Variants in MSI2 observed in about 807,000 individuals in gnomAD.
The protein encoded by MSI2 is musashi RNA binding protein 2.
MSI2 carries 17 observed loss-of-function variants against 45.6 expected under a neutral mutation model. The observed-to-expected ratio is 0.37, with a 90% CI of 0.26 to 0.56. The LOEUF is 0.56. Among genes scored for constraint, MSI2 ranks in the 20% least tolerant of loss-of-function variants. The pLI is 0.77. For synonymous variants in MSI2, 156 were observed against 158.2 expected (o/e 0.99, Z 0.11); for missense variants, 293 against 444.2 (o/e 0.66, Z 3.06).
At chr17:57,668,686 A>G (rs1303987960) in intron 11 of MSI2, among the ~76,000 whole-genome samples, 2 of 152,192 alleles carry the variant, frequency 1.3e-5, no homozygotes, top group Admixed American at 6.5e-5. Flanking sequence ...CAAGACTAGC[A>G]TGATGTTGAC....
At chr17:57,466,230 C>A (rs2085327840) in intron 6 of MSI2, among the ~76,000 whole-genome samples, 1 of 152,208 alleles carries the variant, frequency 6.6e-6, no homozygotes, top group African/African-American at 2.4e-5. Flanking sequence ...ACTGGAATTT[C>A]TCCCCACTGG....
At chr17:57,301,310 G>A (rs1012392634) in intron 5 of MSI2, among the ~76,000 whole-genome samples, 11 of 152,186 alleles carry the variant, frequency 7.2e-5, no homozygotes, top group African/African-American at 1.2e-4. Flanking sequence ...TCTTTAGAGC[G>A]GATGCAAGGT....
intron 6 of MSI2, among the ~76,000 whole-genome samples, chr17:57,454,281 A>G (rs720238): frequency 0.15 from 22,815 of 152,034 alleles, 1,823 homozygotes; most frequent in Non-Finnish European, 0.16. Flanking sequence ...TGTCACCACA[A>G]TGGTGCTGGT....
At chr17:57,560,150 T>C (rs1410581588) in intron 7 of MSI2, among the ~76,000 whole-genome samples, 2 of 152,226 alleles carry the variant, frequency 1.3e-5, no homozygotes, top group African/African-American at 2.4e-5. Flanking sequence ...CGTAGTACAG[T>C]AGCAAAGGTA....
chr17:57,340,902 T>G (rs1012827878), intron 5 of MSI2, among the ~76,000 whole-genome samples: 5 of 152,160 alleles, frequency 3.3e-5, no homozygotes, highest in Non-Finnish European at 7.4e-5. Context: ...CCTCCTTGGC[T>G]TGAAGCCCTG....
chr17:57,667,602 G>A (rs1912464437), intron 11 of MSI2, among the ~76,000 whole-genome samples: 1 of 152,200 alleles, frequency 6.6e-6, no homozygotes, highest in African/African-American at 2.4e-5. Flanking sequence ...CTTGCCTCCT[G>A]GAAACCTGCA....
Position 57,300,672 on chromosome 17 carries a change from G to A in MSI2, c.312+38480G>A, listed in dbSNP as rs142843479. The stretch of plus-strand genomic sequence containing the variant: ...CTCGGTAAGTTATAAAGAAAAAGAG[G>A]TTTAATGGACTCACAGTTCCACGTG... On this transcript the variant is annotated intron_variant, in intron 5 of 13. Transcript: ENST00000284073. Among the ~76,000 whole-genome samples, 191 of 152,298 alleles carry A rather than the reference G, an allele frequency of 1.3e-3. 1 individual carries two copies. The East Asian group carries it at 0.02, about 16-fold the overall frequency.
intron 6 of MSI2, among the ~76,000 whole-genome samples, chr17:57,460,121 T>G (rs2085195992): frequency 7.2e-6 from 1 of 139,764 alleles, no homozygotes; most frequent in Non-Finnish European, 1.5e-5. Context: ...AGAACGGAAC[T>G]CTGTCTCAAA....
intron 6 of MSI2, among the ~76,000 whole-genome samples, chr17:57,475,384 G>C (rs189107065): frequency 5.7e-4 from 86 of 152,186 alleles, no homozygotes; most frequent in Non-Finnish European, 7.2e-4. Context: ...GTGCACACAA[G>C]AGAGGAGAGA....
At chr17:57,625,285 T>G (rs896362502) in intron 9 of MSI2, among the ~76,000 whole-genome samples, 2 of 152,072 alleles carry the variant, frequency 1.3e-5, no homozygotes, top group Non-Finnish European at 2.9e-5. Context: ...GACCCGTGAG[T>G]TTCTGCTCTA....
At chr17:57,628,429 G>C (rs1909014039) in intron 10 of MSI2, 1 of 152,246 alleles carries the variant, frequency 6.6e-6, no homozygotes. Context: ...TTGGAGAGAT[G>C]AGGAGGCATT....
intron 13 of MSI2, among the ~76,000 whole-genome samples, chr17:57,677,480 C>T (rs913817733): frequency 4.6e-5 from 7 of 152,200 alleles, no homozygotes; most frequent in African/African-American, 1.7e-4. Context: ...GCCAGGGCCA[C>T]CCACTCCTGG....
At chr17:57,297,519 A>G (rs929275248) in intron 5 of MSI2, among the ~76,000 whole-genome samples, 8 of 152,200 alleles carry the variant, frequency 5.3e-5, no homozygotes, top group Admixed American at 3.3e-4. Flanking sequence ...TCTTGCCTCA[A>G]TGTTGATGGC....
At chr17:57,630,873 GTTTCGGGTGGATCTGGCC>G (rs2144619995) in intron 10 of MSI2, 1 of 152,498 alleles carries the variant, frequency 6.6e-6, no homozygotes, top group Admixed American at 6.5e-5. Flanking sequence ...AATAAGGAAA[GTTTCGGGTGGATCTGGCC>G]GAGGCGGCTG....
the MSI2 span, among the ~76,000 whole-genome samples, chr17:57,689,715 C>T: frequency 6.6e-6 from 1 of 152,196 alleles, no homozygotes; most frequent in Non-Finnish European, 1.5e-5. Context: ...CAGACAATAA[C>T]TGACCTACTG....
chr17:57,422,853 G>A (rs4794736), intron 6 of MSI2, among the ~76,000 whole-genome samples: 107,679 of 152,132 alleles, frequency 0.71, 39,233 homozygotes, highest in Middle Eastern at 0.79. Flanking sequence ...ATTTTTGGCA[G>A]TGCACTTACG....
chr17:57,310,523 G>A (rs1434355180), intron 5 of MSI2, among the ~76,000 whole-genome samples: 9 of 152,002 alleles, frequency 5.9e-5, no homozygotes, highest in African/African-American at 1.7e-4. Flanking sequence ...TAGTAGAGAC[G>A]GGGTTTTACC....
At chr17:57,605,138 G>A (rs1195123512) in intron 8 of MSI2, among the ~76,000 whole-genome samples, 3 of 152,204 alleles carry the variant, frequency 2.0e-5, no homozygotes, top group Non-Finnish European at 4.4e-5. Flanking sequence ...GGCAAAAAAG[G>A]AAATGCCAGA....
At chr17:57,494,869 T>C (rs2085944421) in intron 6 of MSI2, among the ~76,000 whole-genome samples, 1 of 151,832 alleles carries the variant, frequency 6.6e-6, no homozygotes. Flanking sequence ...CGAATCCCGG[T>C]CATGACAGAA....
Sources: allele counts gnomAD v4.1 joint callset (sites outside exome capture counted in the v4.1 genomes callset), GRCh38; gene constraint gnomAD v4.1.1; transcripts MANE v1.5; gene names NCBI Gene and HGNC (gene_info 2026-07-23, HGNC 2026-07-21).